Variants in SLC35F1 observed in about 807,000 individuals in gnomAD.
The protein encoded by SLC35F1 is solute carrier family 35 member F1.
In SLC35F1, 14 loss-of-function variants were observed where a neutral mutation model predicts 48.7. The observed-to-expected ratio is 0.29, with a 90% CI of 0.19 to 0.45. The LOEUF (loss-of-function observed/expected upper bound fraction) is 0.45. Ranked by LOEUF, SLC35F1 falls within the 20% of genes least tolerant of loss-of-function variation. The pLI is 1.00. For synonymous variants in SLC35F1, 190 were observed against 202.2 expected, an observed-to-expected ratio of 0.94 and a Z score of 0.51; for missense variants, 404 against 500.0, an observed-to-expected ratio of 0.81 and a Z score of 1.83.
At chr6:118,190,929 C>T (rs776009375) in intron 2 of SLC35F1, among the ~76,000 whole-genome samples, 130 of 152,128 alleles carry the variant, frequency 8.5e-4, no homozygotes, top group Non-Finnish European at 1.4e-3. Context: ...TCCTGTTTCG[C>T]CAATTCTATT....
intron 3 of SLC35F1, among the ~76,000 whole-genome samples, chr6:118,238,277 A>G (rs1372888638): frequency 6.6e-6 from 1 of 152,138 alleles, no homozygotes. Flanking sequence ...CGGAAAGCCC[A>G]GCAGAAACTG....
intron 3 of SLC35F1, among the ~76,000 whole-genome samples, chr6:118,238,283 A>G (rs1421930092): frequency 2.0e-5 from 3 of 152,076 alleles, no homozygotes; most frequent in Non-Finnish European, 4.4e-5. Context: ...GCCCAGCAGA[A>G]ACTGTCTTTT....
At chr6:118,027,602 CA>C (rs758012303) in intron 1 of SLC35F1, among the ~76,000 whole-genome samples, 2 of 152,004 alleles carry the variant, frequency 1.3e-5, no homozygotes, top group Non-Finnish European at 2.9e-5. Flanking sequence ...AAGTAACTGT[CA>C]AATCTCCCCT....
intron 1 of SLC35F1, among the ~76,000 whole-genome samples, chr6:118,114,611 C>T (rs1206635555): frequency 1.3e-5 from 2 of 151,954 alleles, no homozygotes; most frequent in Non-Finnish European, 2.9e-5. Context: ...CTCCTGACCT[C>T]GTGATCCACC....
chr6:117,984,331 C>T (rs1776820631), intron 1 of SLC35F1, among the ~76,000 whole-genome samples: 1 of 151,980 alleles, frequency 6.6e-6, no homozygotes, highest in Non-Finnish European at 1.5e-5. Flanking sequence ...AACCCTGTCT[C>T]TACTAAAAAT....
At chr6:118,204,703 A>G (rs1582728390) in intron 2 of SLC35F1, among the ~76,000 whole-genome samples, 2 of 152,286 alleles carry the variant, frequency 1.3e-5, no homozygotes, top group East Asian at 3.9e-4. Flanking sequence ...TGAATAAGTT[A>G]TAAGAATTTT....
At chr6:118,089,669 G>T (rs577159474) in intron 1 of SLC35F1, among the ~76,000 whole-genome samples, 1 of 152,216 alleles carries the variant, frequency 6.6e-6, no homozygotes, top group South Asian at 2.1e-4. Flanking sequence ...AATAGTACTG[G>T]CTCAAAGACA....
intron 6 of SLC35F1, among the ~76,000 whole-genome samples, chr6:118,283,579 A>C (rs570068092): frequency 6.6e-6 from 1 of 152,336 alleles, no homozygotes; most frequent in Non-Finnish European, 1.5e-5. Context: ...CACCTTCAAA[A>C]AACAAAAGAA....
intron 3 of SLC35F1, among the ~76,000 whole-genome samples, chr6:118,258,198 G>T (rs925837864): frequency 2.6e-5 from 4 of 151,978 alleles, no homozygotes; most frequent in African/African-American, 4.8e-5. Context: ...TTATTTTATG[G>T]AACTTTGCAT....
At chr6:118,135,167 T>C (rs1773775646) in intron 1 of SLC35F1, among the ~76,000 whole-genome samples, 1 of 152,210 alleles carries the variant, frequency 6.6e-6, no homozygotes, top group South Asian at 2.1e-4. Context: ...ATCTTTAGTG[T>C]ACAAGTACAC....
chr6:117,924,000 C>T (rs543875054), intron 1 of SLC35F1, among the ~76,000 whole-genome samples: 4 of 150,568 alleles, frequency 2.7e-5, no homozygotes, highest in Non-Finnish European at 4.4e-5. Flanking sequence ...CATATATACA[C>T]ATACATGTGT....
intron 1 of SLC35F1, among the ~76,000 whole-genome samples, chr6:118,118,497 G>A (rs1773503547): frequency 6.6e-6 from 1 of 152,010 alleles, no homozygotes; most frequent in Non-Finnish European, 1.5e-5. Context: ...GAATGCAGTT[G>A]GTACAAGTGT....
chr6:117,920,982 G>A (rs1775890498), intron 1 of SLC35F1, among the ~76,000 whole-genome samples: 1 of 151,814 alleles, frequency 6.6e-6, no homozygotes, highest in African/African-American at 2.4e-5. Flanking sequence ...TAATGAATAT[G>A]AGATATTATT....
At chr6:118,153,995 C>T (rs772736010) in intron 1 of SLC35F1, among the ~76,000 whole-genome samples, 1 of 152,044 alleles carries the variant, frequency 6.6e-6, no homozygotes, top group Non-Finnish European at 1.5e-5. Context: ...TTTATTGGTA[C>T]GAGAACCTGA....
rs142386026 is a variant in SLC35F1 at position 118,103,641 on chromosome 6, G to T, written c.174-50804G>T. Among the ~76,000 whole-genome samples the T allele has an allele frequency of 3.8e-3, 583 of 152,294 alleles. 4 individuals are homozygous for T. The highest frequency in any genetic ancestry group is 0.013 in the African/African-American group (539 of 41,574). ...AATGAATCCAAGAGTGTGTTTGCTG[G>T]TCTATGAAAATGCCAGCCAGAGCCC... On this transcript the variant is annotated intron_variant, in intron 1 of 7. Coordinates refer to ENST00000360388, the MANE Select transcript of SLC35F1 (RefSeq NM_001029858.4).
intron 1 of SLC35F1, among the ~76,000 whole-genome samples, chr6:118,059,587 C>T (rs1295159763): frequency 2.0e-5 from 3 of 152,150 alleles, no homozygotes; most frequent in Admixed American, 6.5e-5. Flanking sequence ...ACATGTCCAT[C>T]GCAAGTCGGC....
chr6:117,937,071 A>G (rs1375460555), intron 1 of SLC35F1, among the ~76,000 whole-genome samples: 1 of 152,248 alleles, frequency 6.6e-6, no homozygotes, highest in Non-Finnish European at 1.5e-5. Context: ...CAGAGGTCCC[A>G]TAAGGAAGTG....
intron 1 of SLC35F1, among the ~76,000 whole-genome samples, chr6:118,084,879 T>C (rs1038505220): frequency 2.0e-5 from 3 of 152,080 alleles, no homozygotes; most frequent in Admixed American, 2.0e-4. Flanking sequence ...GCTTTCAAGG[T>C]CTTATCACTT....
chr6:118,197,237 C>A lies in SLC35F1; in HGVS notation c.350-38272C>A, dbSNP rs1582724446. Among the ~76,000 whole-genome samples, 3 of 151,958 alleles carry A rather than the reference C, an allele frequency of 2.0e-5. 1 individual carries two copies. In the South Asian group the frequency reaches 6.3e-4, roughly 32 times the overall value. On this transcript the variant is annotated intron_variant, in intron 2 of 7. Coordinates refer to ENST00000360388, the MANE Select transcript of SLC35F1 (RefSeq NM_001029858.4). ...TTTCTTTACTTCCCCCCTTCCATCT[C>A]TCCCTTCCTTCATTTCTATCCTTCC... is the stretch of plus-strand genomic sequence containing the variant.
Sources: gnomAD v4.1 joint callset for allele counts (sites outside exome capture counted in the v4.1 genomes callset) on GRCh38, gnomAD v4.1.1 for gene constraint, MANE v1.5 for transcripts, NCBI Gene and HGNC (gene_info 2026-07-23, HGNC 2026-07-21) for gene names.